ZBTB16: variants seen among roughly 807,000 people sequenced by gnomAD.
ZBTB16 encodes zinc finger and BTB domain-containing protein 16.
Under a neutral mutation model 56.8 loss-of-function variants are expected in ZBTB16, and 8 were observed. The ratio of observed to expected loss-of-function variants is 0.14; its 90% confidence interval spans 0.08 to 0.25. The LOEUF (loss-of-function observed/expected upper bound fraction) is 0.25, where lower values mean the gene tolerates loss of function less well. ZBTB16 is among the 10% of genes least tolerant of loss of function. The pLI, the probability that ZBTB16 is intolerant of heterozygous loss-of-function variation, is 1.00. For synonymous variants in ZBTB16, 363 were observed against 368.5 expected, an observed-to-expected ratio of 0.98 and a Z score of 0.17; for missense variants, 625 against 903.0, an observed-to-expected ratio of 0.69 and a Z score of 3.95.
At chr11:114,154,141 A>G (rs1285060066) in intron 2 of ZBTB16, among the ~76,000 whole-genome samples, 1 of 152,182 alleles carries the variant, frequency 6.6e-6, no homozygotes, top group African/African-American at 2.4e-5. Flanking sequence ...TGGAACCCTC[A>G]TGGAGAAGAG....
At chr11:114,164,970 G>A (rs2134987850) in intron 3 of ZBTB16, among the ~76,000 whole-genome samples, 1 of 151,892 alleles carries the variant, frequency 6.6e-6, no homozygotes, top group African/African-American at 2.4e-5. Flanking sequence ...TGTATTTTCT[G>A]TCTTCCTTCT....
At chr11:114,128,674 A>C (rs1401760118) in intron 2 of ZBTB16, among the ~76,000 whole-genome samples, 1 of 152,144 alleles carries the variant, frequency 6.6e-6, no homozygotes, top group Non-Finnish European at 1.5e-5. Context: ...GGAGACTTGT[A>C]ATCTTGTAAA....
At chr11:114,188,473 G>A (rs998822305) in intron 4 of ZBTB16, 40 of 152,172 alleles carry the variant, frequency 2.6e-4, no homozygotes, top group African/African-American at 6.8e-4. Flanking sequence ...TAGAAAAGTG[G>A]AGTAATATTA....
intron 2 of ZBTB16, among the ~76,000 whole-genome samples, chr11:114,147,445 G>A (rs954385341): frequency 1.3e-5 from 2 of 152,192 alleles, no homozygotes; most frequent in African/African-American, 4.8e-5. Context: ...GCCTTGTACG[G>A]GAGAGGGAGA....
intron 4 of ZBTB16, among the ~76,000 whole-genome samples, chr11:114,207,590 AACACACACACACAC>A (rs66489516): frequency 9.7e-5 from 14 of 143,720 alleles, no homozygotes; most frequent in African/African-American, 3.1e-4. Context: ...ACACACACAC[AACACACACACACAC>A]ACACACACAC....
intron 2 of ZBTB16, among the ~76,000 whole-genome samples, chr11:114,079,747 G>T (rs901079765): frequency 1.3e-5 from 2 of 152,218 alleles, no homozygotes; most frequent in Non-Finnish European, 2.9e-5. Flanking sequence ...GATTCTGGAA[G>T]GGGTGTGTGG....
At chr11:114,115,321 G>A (rs984395882) in intron 2 of ZBTB16, among the ~76,000 whole-genome samples, 2 of 135,172 alleles carry the variant, frequency 1.5e-5, no homozygotes, top group African/African-American at 5.5e-5. Context: ...TGTTGGTGTT[G>A]TTTTCCTCCC....
At chr11:114,159,377 C>G (rs866741246) in intron 3 of ZBTB16, among the ~76,000 whole-genome samples, 1 of 152,122 alleles carries the variant, frequency 6.6e-6, no homozygotes, top group Non-Finnish European at 1.5e-5. Flanking sequence ...TTGCCAATGC[C>G]CTTGGAAAGG....
In ZBTB16 at chr11:114,187,219, C is replaced by T. The variant is rs192760365; in HGVS notation, c.1453+181C>T. 44 of 705,612 alleles carry T rather than the reference C, an allele frequency of 6.2e-5. No individual in the cohort carries two copies. The South Asian group carries it at 6.4e-4, about 10-fold the overall frequency. 43.7% of individuals were successfully genotyped at this position (705,612 alleles called of 1,614,324 possible). On this transcript the variant is annotated intron_variant, in intron 4 of 6. Transcript: ENST00000335953. ...ACTCTTGTCTGTGTGGCTGGCCCAG[C>T]AGAAGTTTACAAGTATGACATGGCC...
intron 3 of ZBTB16, among the ~76,000 whole-genome samples, chr11:114,182,748 A>G (rs1249467745): frequency 1.3e-5 from 2 of 152,216 alleles, no homozygotes; most frequent in African/African-American, 2.4e-5. Flanking sequence ...TAGTGGCTGC[A>G]TGATGTCACC....
At chr11:114,130,277 C>A (rs572451464) in intron 2 of ZBTB16, among the ~76,000 whole-genome samples, 1 of 152,298 alleles carries the variant, frequency 6.6e-6, no homozygotes, top group South Asian at 2.1e-4. Flanking sequence ...ACTCCGCCAG[C>A]TGCATTGTCT....
intron 2 of ZBTB16, among the ~76,000 whole-genome samples, chr11:114,067,393 A>T (rs1939156452): frequency 6.6e-6 from 1 of 152,084 alleles, no homozygotes; most frequent in South Asian, 2.1e-4. Context: ...TGCTGACAGG[A>T]AGAATGTGCT....
intron 2 of ZBTB16, among the ~76,000 whole-genome samples, chr11:114,126,450 C>G (rs989640301): frequency 2.0e-5 from 3 of 152,136 alleles, no homozygotes; most frequent in African/African-American, 7.2e-5. Flanking sequence ...TCTGGGCCAG[C>G]CTGTTCAACT....
chr11:114,183,908 T>G (rs550825650), intron 3 of ZBTB16, among the ~76,000 whole-genome samples: 10 of 152,308 alleles, frequency 6.6e-5, no homozygotes, highest in Admixed American at 2.6e-4. Context: ...GCTAGAAGTT[T>G]TCTTGGCTCT....
In ZBTB16 at chr11:114,064,305, C is replaced by T. The variant is rs113757018; in HGVS notation, c.1005C>T (p.Ser335=). The change falls in exon 2 of 7, where the codon TCC becomes TCT. Residue 335 remains serine, a synonymous_variant. Coordinates refer to ENST00000335953, the MANE Select transcript of ZBTB16 (RefSeq NM_006006.6). This position sits in a 1 kb window ranked among gnomAD's most constrained non-coding sequence, Gnocchi z 4.2. ...CTGAGAAGCATCTGGGCATCTACTC[C>T]GTGTTGCCCAACCACAAGGCTGACG... The part of the protein sequence containing the change: ...PPPEKHLGIY[S]VLPNHKADAV... 862 of 1,614,126 alleles carry T rather than the reference C, an allele frequency of 5.3e-4. 5 individuals are homozygous for T. The African/African-American group carries it at 8.1e-3, about 15-fold the overall frequency.
chr11:114,110,113 C>T (rs925730907), intron 2 of ZBTB16, among the ~76,000 whole-genome samples: 2 of 151,820 alleles, frequency 1.3e-5, no homozygotes, highest in African/African-American at 4.8e-5. Context: ...AATGTGTGTG[C>T]TGGGGGGCGG....
intron 4 of ZBTB16, among the ~76,000 whole-genome samples, chr11:114,208,546 T>C (rs1943934503): frequency 1.3e-5 from 2 of 152,150 alleles, no homozygotes; most frequent in Non-Finnish European, 2.9e-5. Context: ...GGTGATGTCA[T>C]TGTGATGTTT....
chr11:114,065,450 C>T (rs970975456), intron 2 of ZBTB16, among the ~76,000 whole-genome samples: 6 of 151,904 alleles, frequency 3.9e-5, no homozygotes, highest in African/African-American at 1.5e-4. Flanking sequence ...AAGTTTCGCT[C>T]TCCTTGCCCA....
chr11:114,093,834 G>C (rs538491261), intron 2 of ZBTB16, among the ~76,000 whole-genome samples: 1 of 152,146 alleles, frequency 6.6e-6, no homozygotes, highest in Non-Finnish European at 1.5e-5. Context: ...TTCTAAAAAA[G>C]GCATCACACC....
Sources: allele counts gnomAD v4.1 joint callset (sites outside exome capture counted in the v4.1 genomes callset), GRCh38; gene constraint gnomAD v4.1.1; non-coding constraint Gnocchi (gnomAD v3.1); transcripts MANE v1.5; gene names NCBI Gene and HGNC (gene_info 2026-07-23, HGNC 2026-07-21).